Variants in VPS35 observed in about 807,000 individuals in gnomAD.
The protein encoded by VPS35 is VPS35 retromer complex component, also known as vacuolar protein sorting-associated protein 35.
In VPS35, 21 loss-of-function variants were observed where a neutral mutation model predicts 98.1. That is an observed-to-expected ratio of 0.21 (90% CI 0.15 to 0.31). The LOEUF (loss-of-function observed/expected upper bound fraction) is 0.31, where lower values mean the gene tolerates loss of function less well. Ranked by LOEUF, VPS35 falls within the 10% of genes least tolerant of loss-of-function variation. The probability of loss-of-function intolerance (pLI) is 1.00; values close to 1 mark genes in which losing one functional copy is unlikely to be tolerated. For synonymous variants in VPS35, 268 were observed against 318.2 expected, an observed-to-expected ratio of 0.84 and a Z score of 1.68; for missense variants, 554 against 950.8, an observed-to-expected ratio of 0.58 and a Z score of 5.49.
intron 13 of VPS35, among the ~76,000 whole-genome samples, chr16:46,668,596 G>T (rs764161852): frequency 1.3e-5 from 2 of 152,128 alleles, no homozygotes; most frequent in Admixed American, 6.5e-5. Flanking sequence ...TGCCTTTAGA[G>T]AGAAACGACT....
At chr16:46,672,230 T>C in intron 11 of VPS35, 35 bp downstream of exon 11, 1 of 1,590,440 alleles carries the variant, frequency 6.3e-7, no homozygotes, top group East Asian at 2.2e-5. Context: ...ATTGTAACAC[T>C]GTTTCCCTAA....
At chr16:46,684,380 A>C (rs1966281191) in intron 1 of VPS35, among the ~76,000 whole-genome samples, 2 of 152,370 alleles carry the variant, frequency 1.3e-5, no homozygotes, top group South Asian at 2.1e-4. Context: ...CCTCCTTGGC[A>C]ATATTTAACA....
chr16:46,669,544 G>A (rs35845858), intron 12 of VPS35, among the ~76,000 whole-genome samples: 50,645 of 151,638 alleles, frequency 0.33, 10,711 homozygotes, highest in Non-Finnish European at 0.48. Flanking sequence ...GCGCACACCC[G>A]TAATCTCAGC....
intron 13 of VPS35, among the ~76,000 whole-genome samples, chr16:46,664,302 G>C (rs1965956679): frequency 6.6e-6 from 1 of 151,954 alleles, no homozygotes; most frequent in African/African-American, 2.4e-5. Context: ...GGGATTACAA[G>C]CGCGCCACCA....
intron 15 of VPS35, 132 bp downstream of exon 15, chr16:46,662,111 T>C: frequency 1.3e-6 from 2 of 1,529,236 alleles, no homozygotes; most frequent in Non-Finnish European, 1.8e-6. Flanking sequence ...CTCTCTTTTT[T>C]AACAAAACAA....
intron 12 of VPS35, among the ~76,000 whole-genome samples, chr16:46,671,222 C>T (rs1966063589): frequency 6.6e-6 from 1 of 151,816 alleles, no homozygotes; most frequent in Non-Finnish European, 1.5e-5. Context: ...ATAATTTATA[C>T]TTGCAAATTT....
chr16:46,663,313 A>G, intron 13 of VPS35, 151 bp from the exon 14 acceptor site: 1 of 695,400 alleles, frequency 1.4e-6, no homozygotes, highest in East Asian at 2.7e-5. Flanking sequence ...AAACAAGTAA[A>G]TCAAGCAGGA....
At chr16:46,688,619 G>A in intron 1 of VPS35, 20 of 1,002,408 alleles carry the variant, frequency 2.0e-5, no homozygotes, top group Non-Finnish European at 2.3e-5. Flanking sequence ...AGCCGAAGGC[G>A]GGTATGAGGC....
At chr16:46,687,824 G>A (rs143933019) in intron 1 of VPS35, among the ~76,000 whole-genome samples, 1 of 152,218 alleles carries the variant, frequency 6.6e-6, no homozygotes, top group African/African-American at 2.4e-5. Context: ...TATAGACAGT[G>A]ACTGTGAAAG....
chr16:46,665,467 T>C (rs1965974179), intron 13 of VPS35, among the ~76,000 whole-genome samples: 1 of 151,844 alleles, frequency 6.6e-6, no homozygotes, highest in African/African-American at 2.4e-5. Flanking sequence ...TGGTGGCACA[T>C]GCTTGCAGTC....
intron 1 of VPS35, among the ~76,000 whole-genome samples, chr16:46,686,670 CAT>C (rs1328745261): frequency 1.3e-5 from 2 of 152,192 alleles, no homozygotes; most frequent in Non-Finnish European, 2.9e-5. Context: ...TGAAGTGTCA[CAT>C]AGAGCCTTAA....
Position 46,661,085 on chromosome 16 carries a change from T to G in VPS35, c.2212-434A>C. 3.3e-6 allele frequency: 1 copy of G among 304,194 alleles called. No individual in the cohort carries two copies. Among genetic ancestry groups the G allele is most frequent in the Non-Finnish European group, 6.4e-6 (1 of 155,190 alleles). The allele number at this position is 304,194 out of a possible 1,614,324, so 18.8% of individuals were successfully genotyped here. On this transcript the variant is annotated intron_variant, in intron 16 of 16. Transcript: ENST00000299138. This position sits in a 1 kb window ranked among gnomAD's most constrained non-coding sequence, Gnocchi z 4.3. ...TTGCTTGAACCTGGGAGGCAGAGGT[T>G]GCAATGAGCTGAGATTGCCACTGCA...
rs193139977 is a variant in VPS35 at position 46,684,870 on chromosome 16, G to A, written c.4-1264C>T. Among the ~76,000 whole-genome samples the A allele has an allele frequency of 7.2e-5, 11 of 152,282 alleles. No individual in the cohort carries two copies. In the East Asian group the frequency reaches 1.9e-3, roughly 27 times the overall value. On this transcript the variant is annotated intron_variant, in intron 1 of 16. Transcript: ENST00000299138. ...CAGAATATTATTCAACCATGAAAAGGAATGAAGTATTGCTACATAAACAAA... is the reference window on the plus strand; with the variant it reads ...CAGAATATTATTCAACCATGAAAAGAAATGAAGTATTGCTACATAAACAAA...
chr16:46,678,417 T>G (rs1163896226), intron 6 of VPS35, among the ~76,000 whole-genome samples: 3 of 152,104 alleles, frequency 2.0e-5, no homozygotes, highest in Non-Finnish European at 4.4e-5. Context: ...TGGACAAGCT[T>G]GTTGTACAGC....
At chr16:46,667,185 G>C (rs1414695970) in intron 13 of VPS35, among the ~76,000 whole-genome samples, 1 of 152,154 alleles carries the variant, frequency 6.6e-6, no homozygotes, top group East Asian at 1.9e-4. Flanking sequence ...ACATCTCATA[G>C]TGGTTTTGAT....
In VPS35 at chr16:46,660,063, G is replaced by C. The variant is rs1220120087; in HGVS notation, c.*409C>G. 6.2e-6 allele frequency: 1 copy of C among 160,764 alleles called. No homozygotes were observed. Among genetic ancestry groups the C allele is most frequent in the Admixed American group, 6.1e-5 (1 of 16,288 alleles). The allele number at this position is 160,764 out of a possible 1,614,324, so 10.0% of individuals were successfully genotyped here. ...AATCTCAAACTGGACTAGAAAACAA[G>C]AGACAGACGCTTTTGGGTTAGTACT... On this transcript the variant is annotated 3_prime_UTR_variant, in exon 17 of 17. Transcript: ENST00000299138.
chr16:46,678,102 G>A (rs1385263639), intron 6 of VPS35, among the ~76,000 whole-genome samples: 2 of 152,050 alleles, frequency 1.3e-5, no homozygotes, highest in Admixed American at 1.3e-4. Context: ...GTCAGAGATC[G>A]GTAAACTGAG....
chr16:46,676,632 A>C lies in VPS35; in HGVS notation c.865T>G (p.Leu289Val), dbSNP rs778203456. Residue 289 changes from leucine to valine, a missense_variant, in exon 8 of 17, where the codon TTA becomes GTA. Physicochemically the swap from Leu to Val is conservative, Grantham distance 32. Transcript: ENST00000299138. ...TTCTTCACATTTACATTCTGGTGTAACTCAGCACAGGCCCGAAGAAAAGGA... is the reference window on the plus strand; with the variant it reads ...TTCTTCACATTTACATTCTGGTGTACCTCAGCACAGGCCCGAAGAAAAGGA... ...LNPFLRACAE[L>V]HQNVNVKNII... is the part of the protein sequence containing the mutation. The C allele has an allele frequency of 6.2e-7, 1 of 1,613,150 alleles. No individual in the cohort carries two copies. The highest frequency in any genetic ancestry group is 8.5e-7 in the Non-Finnish European group (1 of 1,179,868).
intron 1 of VPS35, among the ~76,000 whole-genome samples, chr16:46,684,849 A>T (rs1024285893): frequency 6.6e-6 from 1 of 152,280 alleles, no homozygotes; most frequent in Non-Finnish European, 1.5e-5. Flanking sequence ...CAATTACAGA[A>T]TATTATTCAA....
Sources: allele counts gnomAD v4.1 joint callset (sites outside exome capture counted in the v4.1 genomes callset), GRCh38; gene constraint gnomAD v4.1.1; non-coding constraint Gnocchi (gnomAD v3.1); transcripts MANE v1.5; gene names NCBI Gene and HGNC (gene_info 2026-07-23, HGNC 2026-07-21).